Variants in XIRP2 observed in about 807,000 individuals in gnomAD.
XIRP2 encodes xin actin binding repeat containing 2.
XIRP2 carries 236 observed loss-of-function variants against 277.0 expected under a neutral mutation model. The observed-to-expected ratio is 0.85, with a 90% CI of 0.77 to 0.95. The LOEUF (loss-of-function observed/expected upper bound fraction) is 0.95, where lower values mean the gene tolerates loss of function less well. Among genes scored for constraint, XIRP2 ranks in the 40% least tolerant of loss-of-function variants. The pLI is 0.00. For synonymous variants in XIRP2, 1,490 were observed against 1,416.5 expected, an observed-to-expected ratio of 1.05 and a Z score of -1.17; for missense variants, 4,640 against 4,157.5, an observed-to-expected ratio of 1.12 and a Z score of -3.19.
chr2:167,179,951 A>G (rs1471851272), intron 3 of XIRP2, among the ~76,000 whole-genome samples: 2 of 152,150 alleles, frequency 1.3e-5, no homozygotes, highest in East Asian at 1.9e-4. Flanking sequence ...CTGATCAGAA[A>G]TTTTTTATAT....
chr2:167,044,734 G>T (rs986109382), intron 2 of XIRP2, among the ~76,000 whole-genome samples: 4 of 151,878 alleles, frequency 2.6e-5, no homozygotes, highest in Admixed American at 2.6e-4. Flanking sequence ...AATGACCACT[G>T]CTCAAAGAAA....
At chr2:167,154,909 G>A (rs1303806265) in intron 3 of XIRP2, among the ~76,000 whole-genome samples, 6 of 151,712 alleles carry the variant, frequency 4.0e-5, no homozygotes, top group African/African-American at 9.7e-5. Context: ...AATGATAAAG[G>A]GGATATCACC....
At chr2:167,098,264 T>C (rs893794244) in intron 2 of XIRP2, among the ~76,000 whole-genome samples, 1 of 152,230 alleles carries the variant, frequency 6.6e-6, no homozygotes, top group Non-Finnish European at 1.5e-5. Context: ...CTTTTTTCTC[T>C]AGTCTTGTCT....
Position 167,248,512 on chromosome 2 carries a change from C to G in XIRP2, c.7120C>G (p.Gln2374Glu), listed in dbSNP as rs370311376. ...LPPPPPPTPS[Q>E]KPAHLLSSSA... ...GCCTCCTCCTCCTCCAACTCCATCT[C>G]AAAAGCCAGCACATCTCCTTTCCTC... The change falls in exon 9 of 11, where the codon CAA (glutamine) becomes GAA (glutamate). Residue 2374 changes from glutamine to glutamate, a missense_variant. Physicochemically the swap from Gln to Glu is conservative, Grantham distance 29 (BLOSUM62 2). Transcript: ENST00000409195. The G allele has an allele frequency of 7.4e-6, 12 of 1,613,614 alleles. No individual in the cohort carries two copies. In the African/African-American group the frequency reaches 1.1e-4, roughly 14 times the overall value.
rs1471818295 is a variant in XIRP2 at position 167,135,925 on chromosome 2, G to T, written c.425G>T (p.Arg142Leu). 3 of 1,600,426 alleles carry T rather than the reference G, an allele frequency of 1.9e-6. No individual in the cohort carries two copies. Among genetic ancestry groups the T allele is most frequent in the Non-Finnish European group, 2.6e-6 (3 of 1,173,984 alleles). The change falls in exon 3 of 11, where the codon CGA becomes CTA. Residue 142 changes from arginine to leucine, a missense_variant. Physicochemically the swap from Arg to Leu is moderately radical, Grantham distance 102. Coordinates refer to ENST00000409195, the MANE Select transcript of XIRP2 (RefSeq NM_152381.6). Reference sequence around the variant, plus strand: ...TTGTAACAGGAAGTGGAAATTGAGCGAAGTTTGTGCTCGCCAGCTTTTAAG... The same window carrying T: ...TTGTAACAGGAAGTGGAAATTGAGCTAAGTTTGTGCTCGCCAGCTTTTAAG... Reference protein sequence around the residue: ...EYGGKEVEIERSLCSPAFKSH... With the variant: ...EYGGKEVEIELSLCSPAFKSH...
chr2:167,135,212 G>C (rs1303231904), intron 2 of XIRP2, among the ~76,000 whole-genome samples: 1 of 151,852 alleles, frequency 6.6e-6, no homozygotes, highest in Non-Finnish European at 1.5e-5. Flanking sequence ...AGTCTACTTG[G>C]CTGGTTTGTT....
chr2:166,978,788 C>T (rs1401107876), intron 2 of XIRP2, among the ~76,000 whole-genome samples: 1 of 152,074 alleles, frequency 6.6e-6, no homozygotes, highest in African/African-American at 2.4e-5. Flanking sequence ...TGAGACCAGC[C>T]TGGGCAACAC....
intron 3 of XIRP2, among the ~76,000 whole-genome samples, chr2:167,157,498 A>G (rs1692234685): frequency 1.3e-5 from 2 of 152,134 alleles, no homozygotes; most frequent in East Asian, 1.9e-4. Context: ...TTTACATTGT[A>G]TAAGTATGCA....
chr2:167,245,272 A>G lies in XIRP2; in HGVS notation c.3880A>G (p.Ile1294Val). 1 of 1,613,578 alleles carries G rather than the reference A, an allele frequency of 6.2e-7. No individual in the cohort carries two copies. Among genetic ancestry groups the G allele is most frequent in the African/African-American group, 1.3e-5 (1 of 75,002 alleles). ...TGAGATTAAAGAAGAATCTGACTAT[A>G]TCAGCACCAAGAAAACAATTACTGA... is the stretch of plus-strand genomic sequence containing the variant. ...LDEIKEESDYISTKKTITEEV... is the reference protein window; with the variant it reads ...LDEIKEESDYVSTKKTITEEV... The change falls in exon 9 of 11, where the codon ATC becomes GTC. Residue 1294 changes from isoleucine to valine, a missense_variant. Ile to Val is a conservative substitution (Grantham distance 29, BLOSUM62 3). Transcript: ENST00000409195.
chr2:167,121,689 G>C (rs1044141614), intron 2 of XIRP2, among the ~76,000 whole-genome samples: 1 of 151,974 alleles, frequency 6.6e-6, no homozygotes, highest in South Asian at 2.1e-4. Flanking sequence ...GAGTGACTGC[G>C]GCAAGTTGCA....
chr2:167,195,096 T>TA (rs2105370695), intron 3 of XIRP2, among the ~76,000 whole-genome samples: 1 of 152,274 alleles, frequency 6.6e-6, no homozygotes, highest in East Asian at 1.9e-4. Context: ...GTTGTGTTGT[T>TA]AAAAACACCC....
intron 2 of XIRP2, among the ~76,000 whole-genome samples, chr2:167,025,505 T>G (rs1428028857): frequency 6.6e-6 from 1 of 151,850 alleles, no homozygotes; most frequent in Non-Finnish European, 1.5e-5. Context: ...AGCTTTTGAA[T>G]GTGTTTGCTC....
chr2:166,947,881 A>G (rs569142772), intron 2 of XIRP2, among the ~76,000 whole-genome samples: 1 of 152,246 alleles, frequency 6.6e-6, no homozygotes, highest in Non-Finnish European at 1.5e-5. Context: ...AAGTGAATGG[A>G]TAAACTGGTA....
chr2:167,223,053 A>T (rs1694477996), intron 5 of XIRP2, among the ~76,000 whole-genome samples: 5 of 152,104 alleles, frequency 3.3e-5, no homozygotes, highest in Admixed American at 3.3e-4. Context: ...GCAGTCTAGG[A>T]CTTTCTTTGT....
At chr2:167,014,387 AG>A (rs1236857629) in intron 2 of XIRP2, among the ~76,000 whole-genome samples, 1 of 151,794 alleles carries the variant, frequency 6.6e-6, no homozygotes, top group Non-Finnish European at 1.5e-5. Flanking sequence ...GTATAACAAC[AG>A]AGAAAATCAA....
intron 5 of XIRP2, among the ~76,000 whole-genome samples, chr2:167,235,662 G>A (rs999143004): frequency 8.6e-5 from 13 of 151,888 alleles, no homozygotes; most frequent in South Asian, 6.2e-4. Context: ...AGCAAGAATA[G>A]TGCACCCTGT....
intron 5 of XIRP2, among the ~76,000 whole-genome samples, chr2:167,235,305 A>G (rs999154197): frequency 2.0e-5 from 3 of 151,830 alleles, no homozygotes; most frequent in Admixed American, 6.6e-5. Flanking sequence ...TTGTAAAGTG[A>G]TTGATATATT....
intron 8 of XIRP2, 107 bp downstream of exon 8, chr2:167,242,017 AT>A: frequency 7.3e-7 from 1 of 1,368,272 alleles, no homozygotes; most frequent in Non-Finnish European, 9.7e-7. Context: ...ACAAAAAAAA[AT>A]TCTGAACTGG....
chr2:166,895,055 A>G (rs1221226164), intron 1 of XIRP2, among the ~76,000 whole-genome samples: 1 of 152,254 alleles, frequency 6.6e-6, no homozygotes, highest in East Asian at 1.9e-4. Flanking sequence ...TAAGAAATGC[A>G]AGAGACTAAA....
Sources: gnomAD v4.1 joint callset for allele counts (sites outside exome capture counted in the v4.1 genomes callset) on GRCh38, gnomAD v4.1.1 for gene constraint, MANE v1.5 for transcripts, NCBI Gene and HGNC (gene_info 2026-07-23, HGNC 2026-07-21) for gene names.